The following ADAD1 variants were observed in gnomAD, a reference collection of about 807,000 sequenced individuals.
ADAD1 encodes the protein adenosine deaminase domain containing 1, also known as adenosine deaminase domain-containing protein 1.
Under a neutral mutation model 66.8 loss-of-function variants are expected in ADAD1, and 46 were observed. That is an observed-to-expected ratio of 0.69 (90% CI 0.54 to 0.88). ADAD1 has a LOEUF of 0.88. ADAD1 is among the 40% of genes least tolerant of loss of function. The pLI is 0.00. For synonymous variants in ADAD1, 248 were observed against 229.4 expected (o/e 1.08, Z -0.73); for missense variants, 617 against 681.8 (o/e 0.91, Z 1.06).
Position 122,381,185 on chromosome 4 carries a change from G to A in ADAD1, c.361+5G>A. 6.5e-7 allele frequency: 1 copy of A among 1,539,486 alleles called. No homozygotes were observed. Among genetic ancestry groups the A allele is most frequent in the Non-Finnish European group, 8.7e-7 (1 of 1,153,772 alleles). Reference sequence around the variant, plus strand: ...TTAAGGAAACTGTGACAACAGGCAAGTGTAAAATTGTATTTGTCTCAAAAA... The same window carrying A: ...TTAAGGAAACTGTGACAACAGGCAAATGTAAAATTGTATTTGTCTCAAAAA... On this transcript the variant is annotated splice_donor_5th_base_variant and intron_variant, in intron 4 of 12. Transcript: ENST00000296513.
At chr4:122,406,226 G>A (rs540962039) in intron 7 of ADAD1, among the ~76,000 whole-genome samples, 30 of 152,190 alleles carry the variant, frequency 2.0e-4, no homozygotes, top group Non-Finnish European at 3.7e-4. Flanking sequence ...ACATCCTCAC[G>A]AAAACTTACA....
chr4:122,415,205 T>C (rs958800739), intron 10 of ADAD1, among the ~76,000 whole-genome samples, 174 bp from the exon 11 acceptor site: 8 of 152,164 alleles, frequency 5.3e-5, no homozygotes, highest in Non-Finnish European at 2.9e-5. Context: ...ATTACCTTGT[T>C]CTGGTTCTGA....
intron 5 of ADAD1, 89 bp from the exon 6 acceptor site, chr4:122,393,500 G>C: frequency 8.0e-7 from 1 of 1,250,410 alleles, no homozygotes; most frequent in Non-Finnish European, 1.1e-6. Flanking sequence ...AAAATTTTTG[G>C]ATTGCTGTTT....
At chr4:122,405,427 C>A (rs1369696966) in intron 7 of ADAD1, among the ~76,000 whole-genome samples, 14 of 152,082 alleles carry the variant, frequency 9.2e-5, no homozygotes, top group African/African-American at 3.1e-4. Context: ...TTTTCTTTTT[C>A]TCCACTACTT....
intron 5 of ADAD1, among the ~76,000 whole-genome samples, chr4:122,390,433 G>A (rs1418308350): frequency 6.6e-6 from 1 of 152,144 alleles, no homozygotes; most frequent in Non-Finnish European, 1.5e-5. Flanking sequence ...AGTTCTCCTG[G>A]ATAACATCCT....
At chr4:122,414,004 A>C (rs879815149) in intron 10 of ADAD1, among the ~76,000 whole-genome samples, 6 of 150,196 alleles carry the variant, frequency 4.0e-5, no homozygotes, top group Non-Finnish European at 8.9e-5. Context: ...ATTATATGGT[A>C]TAATTTTAGA....
At chr4:122,403,022 C>G (rs1053312416) in intron 7 of ADAD1, among the ~76,000 whole-genome samples, 1 of 152,112 alleles carries the variant, frequency 6.6e-6, no homozygotes, top group African/African-American at 2.4e-5. Flanking sequence ...GGATGCATTG[C>G]TTGGAGAGCT....
At position 122,421,307 on chromosome 4, in the gene ADAD1, G is replaced by C; in HGVS notation, c.1534G>C (p.Ala512Pro). The change falls in exon 12 of 13, where the codon GCT becomes CCT. Residue 512 changes from alanine (A) to proline (P), a missense_variant. Ala to Pro is a conservative substitution (Grantham distance 27, BLOSUM62 -1). Coordinates refer to ENST00000296513, the MANE Select transcript of ADAD1 (RefSeq NM_139243.4). The part of the protein sequence containing the change: ...GMSMASRLCK[A>P]AMLSRFNLLA... Reference sequence around the variant, plus strand: ...GTCAATGGCAAGTCGGCTTTGTAAGGCTGCAATGTTAAGTCGGTTTAACCT... The same window carrying C: ...GTCAATGGCAAGTCGGCTTTGTAAGCCTGCAATGTTAAGTCGGTTTAACCT... 1.9e-6 allele frequency: 3 copies of C among 1,605,594 alleles called. No individual in the cohort carries two copies. The highest frequency in any genetic ancestry group is 2.6e-6 in the Non-Finnish European group (3 of 1,174,220).
chr4:122,423,075 AT>A (rs1275378108), intron 12 of ADAD1, among the ~76,000 whole-genome samples: 1 of 151,652 alleles, frequency 6.6e-6, no homozygotes, highest in Non-Finnish European at 1.5e-5. Flanking sequence ...TCATTTTCTC[AT>A]TCTCATTTTC....
chr4:122,381,090 A>G lies in ADAD1; in HGVS notation c.271A>G (p.Lys91Glu), dbSNP rs745482311. ...KIPKEFIMKY[K>E]RGEINPVSAL... ...ACCTAAGGAATTTATAATGAAATAC[A>G]AACGTGGAGAGATAAATCCTGTGTC... is the stretch of plus-strand genomic sequence containing the variant. Residue 91 changes from lysine to glutamate, a missense_variant, in exon 4 of 13, where the codon AAA (lysine) becomes GAA (glutamate). Physicochemically the swap from Lys to Glu is moderately conservative, Grantham distance 56 (BLOSUM62 1). Coordinates refer to ENST00000296513, the MANE Select transcript of ADAD1 (RefSeq NM_139243.4). 5 of 1,606,564 alleles carry G rather than the reference A, an allele frequency of 3.1e-6. No homozygotes were observed. The East Asian group carries it at 1.1e-4, about 36-fold the overall frequency.
At chr4:122,380,838 T>C (rs543477603) in intron 3 of ADAD1, among the ~76,000 whole-genome samples, 154 bp from the exon 4 acceptor site, 3 of 152,314 alleles carry the variant, frequency 2.0e-5, no homozygotes, top group Non-Finnish European at 4.4e-5. Flanking sequence ...GTGGTGCTTG[T>C]CATGTGTGCC....
chr4:122,386,573 C>CCAAAATTTTTAGCCAAA (rs1795183693), intron 5 of ADAD1, among the ~76,000 whole-genome samples: 1 of 152,172 alleles, frequency 6.6e-6, no homozygotes, highest in Admixed American at 6.5e-5. Context: ...GCTTTTGTTG[C>CCAAAATTTTTAGCCAAA]AATCGCTTTT....
chr4:122,422,545 C>T (rs963826312), intron 12 of ADAD1, among the ~76,000 whole-genome samples: 1 of 152,146 alleles, frequency 6.6e-6, no homozygotes, highest in Non-Finnish European at 1.5e-5. Flanking sequence ...ATTTTACCAA[C>T]TTAATGCTCA....
chr4:122,401,459 A>G (rs1300099539), intron 7 of ADAD1, among the ~76,000 whole-genome samples: 1 of 152,092 alleles, frequency 6.6e-6, no homozygotes, highest in Non-Finnish European at 1.5e-5. Flanking sequence ...AATAAATAGA[A>G]TGTATATTCT....
Position 122,429,744 on chromosome 4 carries a change from G to A in ADAD1, c.*5G>A. ...ATAGAGCAATTTAACATGTGAAATA[G>A]GCAATCCATTATCACATTAAAAATC... On this transcript the variant is annotated 3_prime_UTR_variant, in exon 13 of 13. Coordinates refer to ENST00000296513, the MANE Select transcript of ADAD1 (RefSeq NM_139243.4). The A allele has an allele frequency of 6.4e-7, 1 of 1,561,312 alleles. No homozygotes were observed. The highest frequency in any genetic ancestry group is 8.8e-7 in the Non-Finnish European group (1 of 1,136,238).
At chr4:122,407,123 T>C (rs1327231941) in intron 7 of ADAD1, among the ~76,000 whole-genome samples, 1 of 152,140 alleles carries the variant, frequency 6.6e-6, no homozygotes, top group East Asian at 1.9e-4. Flanking sequence ...TGCACCAGCC[T>C]AATAGTAAAA....
intron 11 of ADAD1, 113 bp from the exon 12 acceptor site, chr4:122,421,147 AT>A (rs1796984156): frequency 1.3e-6 from 1 of 752,794 alleles, no homozygotes; most frequent in Non-Finnish European, 1.9e-6. Flanking sequence ...ATTACTATGT[AT>A]ATTGCAAATA....
rs1359408660 is a variant in ADAD1 at position 122,429,629 on chromosome 4, A to T, written c.1621A>T (p.Met541Leu). The change falls in exon 13 of 13, where the codon ATG becomes TTG. Residue 541 changes from methionine (M) to leucine (L), a missense_variant. Physicochemically the swap from Met to Leu is conservative, Grantham distance 15. Transcript: ENST00000296513. ...TCATTTTTTCTTTCTTCTCTAGTGT[A>T]TGTCTGCCTCCTATCAAGAAGCTAA... ...EAGTYHAAKC[M>L]SASYQEAKCK... 1 of 1,601,538 alleles carries T rather than the reference A, an allele frequency of 6.2e-7. No homozygotes were observed. Among genetic ancestry groups the T allele is most frequent in the African/African-American group, 1.3e-5 (1 of 74,664 alleles).
At chr4:122,413,283 A>G (rs551701708) in intron 10 of ADAD1, among the ~76,000 whole-genome samples, 6 of 152,290 alleles carry the variant, frequency 3.9e-5, no homozygotes, top group African/African-American at 1.2e-4. Context: ...AGTTTGCAGA[A>G]ACAAATTTTA....
Sources: allele counts gnomAD v4.1 joint callset (sites outside exome capture counted in the v4.1 genomes callset), GRCh38; gene constraint gnomAD v4.1.1; transcripts MANE v1.5; gene names NCBI Gene and HGNC (gene_info 2026-07-23, HGNC 2026-07-21).